Variants in AIMP1 observed in about 807,000 individuals in gnomAD.
The protein encoded by AIMP1 is aminoacyl tRNA synthase complex-interacting multifunctional protein 1.
A neutral mutation model predicts 33.1 loss-of-function variants in AIMP1; 24 were observed. That is an observed-to-expected ratio of 0.73 (90% confidence interval 0.53 to 1.02). The LOEUF (loss-of-function observed/expected upper bound fraction) is 1.02, where lower values mean the gene tolerates loss of function less well. Among genes scored for constraint, AIMP1 ranks in the 50% least tolerant of loss-of-function variants. The probability of loss-of-function intolerance (pLI) is 0.00; values close to 1 mark genes in which losing one functional copy is unlikely to be tolerated. For synonymous variants in AIMP1, 120 were observed against 121.5 expected (o/e 0.99, Z 0.08); for missense variants, 367 against 364.8 (o/e 1.01, Z -0.05).
At chr4:106,334,727 G>C (rs938761395) in intron 5 of AIMP1, among the ~76,000 whole-genome samples, 2 of 152,160 alleles carry the variant, frequency 1.3e-5, no homozygotes, top group Non-Finnish European at 2.9e-5. Context: ...AGGCCAGGAT[G>C]ATATTGACAT....
chr4:106,340,639 C>T (rs1485565894), intron 6 of AIMP1, among the ~76,000 whole-genome samples: 1 of 152,168 alleles, frequency 6.6e-6, no homozygotes, highest in Non-Finnish European at 1.5e-5. Flanking sequence ...TTTAAGGCTG[C>T]ATGGTATTCC....
chr4:106,334,156 G>A (rs1395585320), intron 5 of AIMP1, among the ~76,000 whole-genome samples: 1 of 152,072 alleles, frequency 6.6e-6, no homozygotes, highest in African/African-American at 2.4e-5. Context: ...TTGTGAACTT[G>A]AACAAATCCC....
At chr4:106,327,971 G>T (rs1318627879) in intron 3 of AIMP1, 105 bp from the exon 4 acceptor site, 1 of 1,507,876 alleles carries the variant, frequency 6.6e-7, no homozygotes, top group East Asian at 2.4e-5. Flanking sequence ...CATATACAGT[G>T]AATTTTTCAT....
intron 6 of AIMP1, among the ~76,000 whole-genome samples, chr4:106,342,645 G>A (rs1439864278): frequency 6.6e-6 from 1 of 152,146 alleles, no homozygotes; most frequent in African/African-American, 2.4e-5. Context: ...ACTTGATTGT[G>A]GTATATTGCT....
intron 6 of AIMP1, among the ~76,000 whole-genome samples, chr4:106,344,051 C>A (rs899241024): frequency 3.3e-5 from 5 of 152,136 alleles, no homozygotes; most frequent in Non-Finnish European, 7.4e-5. Context: ...CTCCCTGTAG[C>A]TATATGTCTA....
chr4:106,348,558 C>T lies in AIMP1; in HGVS notation c.*866C>T, dbSNP rs1442101223. 6.6e-6 allele frequency: 1 copy of T among 151,734 alleles called. No individual in the cohort carries two copies. The highest frequency in any genetic ancestry group is 1.5e-5 in the Non-Finnish European group (1 of 67,934). The allele number at this position is 151,734 out of a possible 1,614,324, so 9.4% of individuals were successfully genotyped here. A position where few individuals can be genotyped will look rare whatever the true frequency, so the allele number is the denominator to read the frequency against. On this transcript the variant is annotated 3_prime_UTR_variant, in exon 7 of 7. Transcript: ENST00000672341. ...GTCAGTATATTAAAAGAAATTACAGCCTAAAACTTAACATATACCATACAT... is the reference window on the plus strand; with the variant it reads ...GTCAGTATATTAAAAGAAATTACAGTCTAAAACTTAACATATACCATACAT...
chr4:106,329,252 T>C (rs1361915405), intron 4 of AIMP1, among the ~76,000 whole-genome samples: 5 of 152,210 alleles, frequency 3.3e-5, no homozygotes, highest in Admixed American at 2.0e-4. Context: ...CTAACTCTTC[T>C]AGTTTATAAA....
At chr4:106,329,243 TA>T (rs1187841696) in intron 4 of AIMP1, among the ~76,000 whole-genome samples, 3 of 152,230 alleles carry the variant, frequency 2.0e-5, no homozygotes, top group Non-Finnish European at 2.9e-5. Flanking sequence ...CAAGTCAGAC[TA>T]ACTCTTCTAG....
chr4:106,328,344 C>A, intron 4 of AIMP1, 101 bp downstream of exon 4: 1 of 1,352,874 alleles, frequency 7.4e-7, no homozygotes, highest in Non-Finnish European at 1.0e-6. Flanking sequence ...TAAAGTTCAA[C>A]TTTCATGAGC....
At chr4:106,316,363 G>GC (rs1159878141), upstream of AIMP1, 24 of 611,878 alleles carry the variant, frequency 3.9e-5, no homozygotes, top group Non-Finnish European at 5.6e-5. Flanking sequence ...GGACGGGGGG[G>GC]GTCGATTGAA....
chr4:106,339,746 A>G (rs1318349385), intron 6 of AIMP1, among the ~76,000 whole-genome samples: 1 of 152,230 alleles, frequency 6.6e-6, no homozygotes, highest in Non-Finnish European at 1.5e-5. Flanking sequence ...CTTATGCTGT[A>G]GATTGTCTCA....
In AIMP1 at chr4:106,347,233, T is replaced by C. The variant is rs1383497345; in HGVS notation, c.773-293T>C. On this transcript the variant is annotated intron_variant, in intron 6 of 6. Transcript: ENST00000672341. Reference sequence around the variant, plus strand: ...AAACTATATCAATGAGTACCTTACATTTTATTATTTTGATAATTTGGATAC... The same window carrying C: ...AAACTATATCAATGAGTACCTTACACTTTATTATTTTGATAATTTGGATAC... Among the ~76,000 whole-genome samples the C allele has an allele frequency of 2.0e-5, 3 of 152,138 alleles. No individual in the cohort carries two copies. The East Asian group carries it at 5.8e-4, about 29-fold the overall frequency.
chr4:106,331,864 A>G lies in AIMP1; in HGVS notation c.584A>G (p.Asn195Ser). The change falls in exon 5 of 7, where the codon AAT becomes AGT. Residue 195 changes from asparagine (N) to serine (S), a missense_variant. Coordinates refer to ENST00000672341, the MANE Select transcript of AIMP1 (RefSeq NM_001142416.2). ...APRTVVSGLV[N>S]HVPLEQMQNR... The stretch of plus-strand genomic sequence containing the variant: ...AGGACAGTTGTCAGTGGCCTGGTGA[A>G]TCATGTTCCTCTTGAACAGGTAATC... 1 of 1,614,082 alleles carries G rather than the reference A, an allele frequency of 6.2e-7. No individual in the cohort carries two copies. Among genetic ancestry groups the G allele is most frequent in the Non-Finnish European group, 8.5e-7 (1 of 1,179,942 alleles).
At chr4:106,337,398 G>A (rs574303743) in intron 6 of AIMP1, among the ~76,000 whole-genome samples, 100 of 152,258 alleles carry the variant, frequency 6.6e-4, no homozygotes, top group Non-Finnish European at 1.3e-3. Flanking sequence ...TCTCATGATA[G>A]TGAATAAGTC....
At chr4:106,333,594 G>T (rs1769760622) in intron 5 of AIMP1, among the ~76,000 whole-genome samples, 1 of 152,116 alleles carries the variant, frequency 6.6e-6, no homozygotes, top group East Asian at 1.9e-4. Flanking sequence ...CTTTCTTCTG[G>T]TGAGTTTAGC....
chr4:106,336,689 T>A (rs1230186930), intron 5 of AIMP1, among the ~76,000 whole-genome samples, 180 bp from the exon 6 acceptor site: 1 of 152,216 alleles, frequency 6.6e-6, no homozygotes, highest in Non-Finnish European at 1.5e-5. Context: ...GGAATTTTTT[T>A]TTCATGTTTA....
chr4:106,345,590 T>C (rs926293281), intron 6 of AIMP1, among the ~76,000 whole-genome samples: 3 of 152,090 alleles, frequency 2.0e-5, no homozygotes, highest in Non-Finnish European at 4.4e-5. Context: ...TCTTATTTTT[T>C]ATACCAGTCA....
At chr4:106,320,446 T>G (rs1769170561) in intron 1 of AIMP1, among the ~76,000 whole-genome samples, 1 of 152,172 alleles carries the variant, frequency 6.6e-6, no homozygotes, top group Non-Finnish European at 1.5e-5. Flanking sequence ...GAACTTATTT[T>G]AGGAGCCTGG....
intron 6 of AIMP1, among the ~76,000 whole-genome samples, chr4:106,344,353 C>G (rs190620724): frequency 1.6e-4 from 24 of 152,276 alleles, no homozygotes; most frequent in Non-Finnish European, 2.9e-4. Context: ...CCTAGACTTT[C>G]ATTTTTCCAT....
Sources: allele counts gnomAD v4.1 joint callset (sites outside exome capture counted in the v4.1 genomes callset), GRCh38; gene constraint gnomAD v4.1.1; transcripts MANE v1.5; gene names NCBI Gene and HGNC (gene_info 2026-07-23, HGNC 2026-07-21).